FGFR3: variants seen among roughly 807,000 people sequenced by gnomAD.
The protein encoded by FGFR3 is FGFR-3.
In FGFR3, 25 loss-of-function variants were observed where a neutral mutation model predicts 82.9. The ratio of observed to expected loss-of-function variants is 0.30; its 90% CI spans 0.22 to 0.42. The LOEUF (loss-of-function observed/expected upper bound fraction) is 0.42. FGFR3 is among the 10% of genes least tolerant of loss of function. The pLI, the probability that FGFR3 is intolerant of heterozygous loss-of-function variation, is 1.00. For synonymous variants in FGFR3, 620 were observed against 516.0 expected (o/e 1.20, Z -2.73); for missense variants, 1,026 against 1,161.0 (o/e 0.88, Z 1.69).
At chr4:1,805,530 C>A in intron 11 of FGFR3, 29 bp from the exon 12 acceptor site, 1 of 1,612,742 alleles carries the variant, frequency 6.2e-7, no homozygotes, top group Non-Finnish European at 8.5e-7. Flanking sequence ...CCGCCGCCGC[C>A]TGACACAGGC....
At chr4:1,799,614 C>G in intron 3 of FGFR3, 91 bp downstream of exon 3, 1 of 1,550,404 alleles carries the variant, frequency 6.4e-7, no homozygotes, top group Non-Finnish European at 8.7e-7. Flanking sequence ...GGGGGTCTCT[C>G]TGGTCATTGG....
chr4:1,807,274 T>C lies in FGFR3; in HGVS notation c.*12T>C, dbSNP rs758650628. The C allele has an allele frequency of 6.3e-7, 1 of 1,588,324 alleles. No homozygotes were observed. The highest frequency in any genetic ancestry group is 1.1e-5 in the South Asian group (1 of 87,916). On this transcript the variant is annotated 3_prime_UTR_variant, in exon 18 of 18. Coordinates refer to ENST00000440486, the MANE Select transcript of FGFR3 (RefSeq NM_000142.5). Reference sequence around the variant, plus strand: ...GCTCGCGGACGTGAAGGGCCACTGGTCCCCAACAATGTGAGGGGTCCCTAG... The same window carrying C: ...GCTCGCGGACGTGAAGGGCCACTGGCCCCCAACAATGTGAGGGGTCCCTAG...
At chr4:1,803,357 C>G (rs1721444918) in intron 7 of FGFR3, among the ~76,000 whole-genome samples, 1 of 152,198 alleles carries the variant, frequency 6.6e-6, no homozygotes, top group South Asian at 2.1e-4. Context: ...TCTCTCCACC[C>G]CTGCCCGCTG....
Position 1,805,343 on chromosome 4 carries a change from C to A in FGFR3, c.1413-12C>A. The A allele has an allele frequency of 6.2e-7, 1 of 1,610,934 alleles. No homozygotes were observed. The highest frequency in any genetic ancestry group is 8.5e-7 in the Non-Finnish European group (1 of 1,179,882). ...GTTTGCACACTCATGGTCCCTCTGC[C>A]TCCACTGCCAGGCTGACCCTGGGCA... On this transcript the variant is annotated splice_polypyrimidine_tract_variant and intron_variant, in intron 10 of 17. Transcript: ENST00000440486.
chr4:1,805,656 C>G lies in FGFR3; in HGVS notation c.1632C>G (p.Ala544=), dbSNP rs1386588637. ...AAAACATCATCAACCTGCTGGGCGCCTGCACGCAGGGCGGTAGGTGCGGTA... is the reference window on the plus strand; with the variant it reads ...AAAACATCATCAACCTGCTGGGCGCGTGCACGCAGGGCGGTAGGTGCGGTA... The part of the protein sequence containing the change: ...KHKNIINLLG[A]CTQGGPLYVL... The change falls in exon 12 of 18, where the codon GCC becomes GCG. Residue 544 remains alanine (A), a synonymous_variant. Coordinates refer to ENST00000440486, the MANE Select transcript of FGFR3 (RefSeq NM_000142.5). 1 of 1,613,092 alleles carries G rather than the reference C, an allele frequency of 6.2e-7. No individual in the cohort carries two copies. The highest frequency in any genetic ancestry group is 8.5e-7 in the Non-Finnish European group (1 of 1,179,706).
In FGFR3 at chr4:1,807,552, A is replaced by G. The variant is rs750202398; in HGVS notation, c.*290A>G. On this transcript the variant is annotated 3_prime_UTR_variant, in exon 18 of 18. Coordinates refer to ENST00000440486, the MANE Select transcript of FGFR3 (RefSeq NM_000142.5). Reference sequence around the variant, plus strand: ...AGGGGCCTTTGTTCTGGGGGGACCCAGTGCAGAATGTAAGTGGGCCCACCC... The same window carrying G: ...AGGGGCCTTTGTTCTGGGGGGACCCGGTGCAGAATGTAAGTGGGCCCACCC... The G allele has an allele frequency of 4.2e-5, 30 of 712,304 alleles. No individual in the cohort carries two copies. In the African/African-American group the frequency reaches 4.5e-4, roughly 11 times the overall value. 44.1% of individuals were successfully genotyped at this position (712,304 alleles called of 1,614,324 possible).
rs924961302 is a variant in FGFR3 at position 1,805,541 on chromosome 4, C to T, written c.1535-18C>T. 2 of 1,612,862 alleles carry T rather than the reference C, an allele frequency of 1.2e-6. No individual in the cohort carries two copies. ...GGCGCCGCCGCCGCCTGACACAGGC[C>T]CCCCGCTCCGTGCACAGACGATGCC... is the stretch of plus-strand genomic sequence containing the variant. On this transcript the variant is annotated intron_variant, in intron 11 of 17. Coordinates refer to ENST00000440486, the MANE Select transcript of FGFR3 (RefSeq NM_000142.5).
At chr4:1,800,353 G>A (rs1721038818) in intron 4 of FGFR3, among the ~76,000 whole-genome samples, 1 of 152,006 alleles carries the variant, frequency 6.6e-6, no homozygotes, top group Non-Finnish European at 1.5e-5. Flanking sequence ...TTGCCAAGTT[G>A]TAGGGTGGGG....
intron 3 of FGFR3, 48 bp downstream of exon 3, chr4:1,799,571 C>A: frequency 6.5e-7 from 1 of 1,549,656 alleles, no homozygotes; most frequent in Non-Finnish European, 8.7e-7. Context: ...GAGTGCCGGG[C>A]TCCCTGAGTC....
rs764220677 is a variant in FGFR3 at position 1,805,859 on chromosome 4, C to T, written c.1755C>T (p.Pro585=). Residue 585 remains proline, a synonymous_variant, in exon 13 of 18, where the codon CCC becomes CCT. Coordinates refer to ENST00000440486, the MANE Select transcript of FGFR3 (RefSeq NM_000142.5). The stretch of plus-strand genomic sequence containing the variant: ...ACTCCTTCGACACCTGCAAGCCGCC[C>T]GAGGAGCAGCTCACCTTCAAGGACC... ...LDYSFDTCKP[P]EEQLTFKDLV... 1.2e-5 allele frequency: 19 copies of T among 1,612,524 alleles called. No individual in the cohort carries two copies. The highest frequency in any genetic ancestry group is 7.7e-5 in the South Asian group (7 of 91,054).
In FGFR3 at chr4:1,807,103, C is replaced by G. The variant is rs1326080325; in HGVS notation, c.2275-13C>G. 6.4e-7 allele frequency: 1 copy of G among 1,569,470 alleles called. No homozygotes were observed. The highest frequency in any genetic ancestry group is 1.2e-5 in the South Asian group (1 of 85,916). On this transcript the variant is annotated splice_polypyrimidine_tract_variant and intron_variant, in intron 17 of 17. Transcript: ENST00000440486. ...CTCGGTGGCACAGCGCTCACCCCGC[C>G]TCCCGCCAGCAGGAGTACCTGGACC...
chr4:1,795,314 C>G, intron 2 of FGFR3, among the ~76,000 whole-genome samples: 1 of 151,982 alleles, frequency 6.6e-6, no homozygotes, highest in Non-Finnish European at 1.5e-5. Flanking sequence ...CCCTACGGCC[C>G]GGGAATGTCA....
chr4:1,799,186 A>G, intron 2 of FGFR3, 68 bp from the exon 3 acceptor site: 1 of 1,608,016 alleles, frequency 6.2e-7, no homozygotes, highest in South Asian at 1.1e-5. Context: ...CGAGGCTTCC[A>G]CTGCTGTGTC....
intron 2 of FGFR3, among the ~76,000 whole-genome samples, chr4:1,798,760 G>A (rs1266583069): frequency 6.6e-6 from 1 of 152,154 alleles, no homozygotes; most frequent in Non-Finnish European, 1.5e-5. Context: ...CGAGGGGGCT[G>A]GCTGGCCAAC....
intron 9 of FGFR3, 66 bp from the exon 10 acceptor site, chr4:1,804,758 C>A (rs576340291): frequency 6.5e-7 from 1 of 1,542,668 alleles, no homozygotes; most frequent in Non-Finnish European, 8.7e-7. Flanking sequence ...CCAGCACTGA[C>A]CCCCGGCTGT....
intron 4 of FGFR3, among the ~76,000 whole-genome samples, chr4:1,800,694 G>C (rs1032838576): frequency 6.6e-6 from 1 of 152,148 alleles, no homozygotes; most frequent in East Asian, 1.9e-4. Flanking sequence ...AGCTCACTGA[G>C]GGGAGGGCTG....
chr4:1,799,131 G>C lies in FGFR3; in HGVS notation c.110-123G>C. The C allele has an allele frequency of 4.4e-6, 6 of 1,375,022 alleles. No homozygotes were observed. In the South Asian group the frequency reaches 7.0e-5, roughly 16 times the overall value. The allele number at this position is 1,375,022 out of a possible 1,614,324, so 85.2% of individuals were successfully genotyped here. On this transcript the variant is annotated intron_variant, in intron 2 of 17. Transcript: ENST00000440486. ...GACACAGTTTCCAGCCCCTGGTCTG[G>C]TGGGACCCTGGATCTGGGTCAGAGC... is the stretch of plus-strand genomic sequence containing the variant.
intron 8 of FGFR3, among the ~76,000 whole-genome samples, 154 bp from the exon 9 acceptor site, chr4:1,804,176 G>A (rs369110756): frequency 2.6e-5 from 4 of 152,198 alleles, no homozygotes; most frequent in Admixed American, 6.5e-5. Context: ...ACTCACTGGC[G>A]TTACTGACTG....
In FGFR3 at chr4:1,806,045, C is replaced by T. The variant is rs1287623378; in HGVS notation, c.1837-6C>T. On this transcript the variant is annotated splice_region_variant and splice_polypyrimidine_tract_variant and intron_variant, in intron 13 of 17. Transcript: ENST00000440486. ...GCTTCAGCCCTGCCTCCCACCCCTT[C>T]CCCAGTGCATCCACAGGGACCTGGC... 1 of 1,613,318 alleles carries T rather than the reference C, an allele frequency of 6.2e-7. No individual in the cohort carries two copies. The highest frequency in any genetic ancestry group is 8.5e-7 in the Non-Finnish European group (1 of 1,179,924).
Sources: allele counts gnomAD v4.1 joint callset (sites outside exome capture counted in the v4.1 genomes callset), GRCh38; gene constraint gnomAD v4.1.1; transcripts MANE v1.5; gene names NCBI Gene and HGNC (gene_info 2026-07-23, HGNC 2026-07-21).